Variants in ZNF585B observed in about 807,000 individuals in gnomAD.
The protein encoded by ZNF585B is zinc finger protein 585B.
A neutral mutation model predicts 14.0 loss-of-function variants in ZNF585B; 7 were observed. The observed-to-expected ratio is 0.50, with a 90% CI of 0.28 to 0.94. The LOEUF (loss-of-function observed/expected upper bound fraction) is 0.94, where lower values mean the gene tolerates loss of function less well. ZNF585B is among the 40% of genes least tolerant of loss of function. ZNF585B has a pLI of 0.09. For missense variants in ZNF585B, 750 were observed against 924.4 expected, an observed-to-expected ratio of 0.81 and a Z score of 2.45; for synonymous variants, 290 against 317.3, an observed-to-expected ratio of 0.91 and a Z score of 0.91.
intron 2 of ZNF585B, among the ~76,000 whole-genome samples, chr19:37,206,307 C>A (rs921527412): frequency 6.6e-6 from 1 of 151,456 alleles, no homozygotes; most frequent in African/African-American, 2.4e-5. Flanking sequence ...CAAAATTAGC[C>A]GAACGAGGTG....
At chr19:37,205,360 CTGAAA>C (rs1972574923) in intron 2 of ZNF585B, among the ~76,000 whole-genome samples, 1 of 152,178 alleles carries the variant, frequency 6.6e-6, no homozygotes. Context: ...GACTAGAACC[CTGAAA>C]TGAAATTCCA....
intron 2 of ZNF585B, among the ~76,000 whole-genome samples, chr19:37,197,066 G>C (rs187766021): frequency 6.6e-6 from 1 of 152,134 alleles, no homozygotes; most frequent in Non-Finnish European, 1.5e-5. Flanking sequence ...GTGCCATGTT[G>C]GTGTGCTGCA....
At chr19:37,203,917 C>A (rs980416758) in intron 2 of ZNF585B, among the ~76,000 whole-genome samples, 3 of 152,200 alleles carry the variant, frequency 2.0e-5, no homozygotes, top group African/African-American at 7.2e-5. Context: ...CATGAGCCAC[C>A]GCACCCAGCC....
At position 37,181,992 on chromosome 19, in the gene ZNF585B, T is replaced by C. The variant is rs1972271244; in HGVS notation, c.*3235A>G. On this transcript the variant is annotated 3_prime_UTR_variant, in exon 5 of 5. Coordinates refer to ENST00000532828, the MANE Select transcript of ZNF585B (RefSeq NM_152279.4). ...TGAACCCTAATTAAACCATGGACTT[T>C]GGCCGATAGTGTCAATGTAGTTTCA... 6.6e-6 allele frequency: 1 copy of C among 152,130 alleles called. No homozygotes were observed. Among genetic ancestry groups the C allele is most frequent in the African/African-American group, 2.4e-5 (1 of 41,428 alleles). 9.4% of individuals were successfully genotyped at this position (152,130 alleles called of 1,614,324 possible).
intron 2 of ZNF585B, among the ~76,000 whole-genome samples, chr19:37,206,231 C>A (rs1273462960): frequency 6.6e-6 from 1 of 151,992 alleles, no homozygotes; most frequent in Admixed American, 6.6e-5. Flanking sequence ...GTGGGCAGAT[C>A]ACCTGAGATC....
chr19:37,189,404 G>T, intron 4 of ZNF585B: 1 of 439,340 alleles, frequency 2.3e-6, no homozygotes, highest in Non-Finnish European at 4.2e-6. Context: ...GGGAAAAAAA[G>T]ACTGTTACAG....
At chr19:37,199,771 C>T (rs975809272) in intron 2 of ZNF585B, among the ~76,000 whole-genome samples, 2 of 152,064 alleles carry the variant, frequency 1.3e-5, no homozygotes, top group African/African-American at 2.4e-5. Flanking sequence ...ACAGGCCAGG[C>T]GCTGTGGCTC....
intron 2 of ZNF585B, among the ~76,000 whole-genome samples, chr19:37,193,694 C>T (rs1203778507): frequency 6.6e-6 from 1 of 151,852 alleles, no homozygotes; most frequent in African/African-American, 2.4e-5. Context: ...GTCGGAGGAT[C>T]GACTGAGCCC....
intron 4 of ZNF585B, among the ~76,000 whole-genome samples, chr19:37,188,252 T>A (rs1972360633): frequency 6.6e-6 from 1 of 152,094 alleles, no homozygotes; most frequent in South Asian, 2.1e-4. Context: ...TTTGGGAGGC[T>A]GAGGCGGGCG....
chr19:37,198,942 GT>G, intron 2 of ZNF585B: 1 of 1,477,338 alleles, frequency 6.8e-7, no homozygotes, highest in Admixed American at 2.2e-5. Context: ...AAGCTACCTT[GT>G]TGATTTCTTC....
chr19:37,190,180 A>G lies in ZNF585B; in HGVS notation c.73-30T>C, dbSNP rs1256167140. ...AAGGGCACATTCCTGTTCAATGTGC[A>G]TAGTCAGCTTTGCACGGTGGAGTGA... On this transcript the variant is annotated intron_variant, in intron 2 of 4. Coordinates refer to ENST00000532828, the MANE Select transcript of ZNF585B (RefSeq NM_152279.4). The G allele has an allele frequency of 2.5e-6, 4 of 1,613,846 alleles. No individual in the cohort carries two copies. The African/African-American group carries it at 4.0e-5, about 16-fold the overall frequency.
intron 1 of ZNF585B, among the ~76,000 whole-genome samples, chr19:37,208,817 C>T (rs1015561596): frequency 1.3e-5 from 2 of 152,064 alleles, no homozygotes; most frequent in East Asian, 1.9e-4. Context: ...CATGGCGAAA[C>T]GCTGTCTCTA....
In ZNF585B at chr19:37,186,393, A is replaced by G. The variant is rs764938898; in HGVS notation, c.1144T>C (p.Tyr382His). The G allele has an allele frequency of 6.2e-7, 1 of 1,614,146 alleles. No individual in the cohort carries two copies. The highest frequency in any genetic ancestry group is 1.1e-5 in the South Asian group (1 of 91,084). The change falls in exon 5 of 5, where the codon TAT becomes CAT. Residue 382 changes from tyrosine (Y) to histidine (H), a missense_variant. Physicochemically the swap from Tyr to His is moderately conservative, Grantham distance 83 (BLOSUM62 2). Transcript: ENST00000532828. The stretch of plus-strand genomic sequence containing the variant: ...GCTCTCCCACAGTCACTGCATTCAT[A>G]AGGTTTCTCTCCAGTGTGAATTCTC... The part of the protein sequence containing the change: ...HQRIHTGEKP[Y>H]ECSDCGRAFT...
chr19:37,199,873 G>A (rs144264308), intron 2 of ZNF585B, among the ~76,000 whole-genome samples: 8 of 151,374 alleles, frequency 5.3e-5, no homozygotes, highest in Admixed American at 4.0e-4. Flanking sequence ...GACAAACCCC[G>A]TCTCTACTAA....
rs531064241 is a variant in ZNF585B at position 37,208,982 on chromosome 19, ACT to A, written c.-144+1457_-144+1458del. Among the ~76,000 whole-genome samples the A allele has an allele frequency of 1.8e-3, 270 of 151,876 alleles. 4 individuals carry two copies. The highest frequency in any genetic ancestry group is 6.3e-3 in the African/African-American group (263 of 41,440). On this transcript the variant is annotated intron_variant, in intron 1 of 4. Transcript: ENST00000532828. ...ACTCCAGCCTGGGCGACAGAGCAAGACTCTGTCTCAAAAAAAAAAGTGACAAC... is the reference window on the plus strand; with the variant it reads ...ACTCCAGCCTGGGCGACAGAGCAAGACTGTCTCAAAAAAAAAAGTGACAAC...
intron 2 of ZNF585B, among the ~76,000 whole-genome samples, chr19:37,192,202 A>C (rs1972409203): frequency 6.6e-6 from 1 of 152,182 alleles, no homozygotes; most frequent in Non-Finnish European, 1.5e-5. Flanking sequence ...TACATAGAAA[A>C]TAAATAAGAC....
rs1972343034 is a variant in ZNF585B at position 37,186,929 on chromosome 19, C to G, written c.608G>C (p.Arg203Thr). 1 of 1,614,006 alleles carries G rather than the reference C, an allele frequency of 6.2e-7. No homozygotes were observed. Among genetic ancestry groups the G allele is most frequent in the African/African-American group, 1.3e-5 (1 of 74,902 alleles). ...KSFFQVSSLF[R>T]HHRIHTGEKL... ...TTCTCCGGTATGAATTCTGTGATGC[C>G]TGAAAAGAGACGATACTTGAAAAAA... Residue 203 changes from arginine to threonine, a missense_variant, in exon 5 of 5, where the codon AGG becomes ACG. Transcript: ENST00000532828.
At chr19:37,199,305 T>C (rs921405517) in intron 2 of ZNF585B, 5 of 342,308 alleles carry the variant, frequency 1.5e-5, no homozygotes, top group East Asian at 8.1e-5. Flanking sequence ...GGCAGGCAGA[T>C]TGCTTGAGCC....
intron 3 of ZNF585B, 57 bp from the exon 4 acceptor site, chr19:37,189,810 C>A: frequency 1.2e-6 from 2 of 1,607,456 alleles, no homozygotes; most frequent in Non-Finnish European, 1.7e-6. Context: ...CAGAGCCCAA[C>A]AAATACAGTC....
Sources: allele counts gnomAD v4.1 joint callset (sites outside exome capture counted in the v4.1 genomes callset), GRCh38; gene constraint gnomAD v4.1.1; transcripts MANE v1.5; gene names NCBI Gene and HGNC (gene_info 2026-07-23, HGNC 2026-07-21).